RRAS2: variants seen among roughly 807,000 people sequenced by gnomAD.
RRAS2 encodes the protein RAS related 2.
RRAS2 carries 7 observed loss-of-function variants against 27.6 expected under a neutral mutation model. That is an observed-to-expected ratio of 0.25 (90% CI 0.14 to 0.48). RRAS2 has a LOEUF of 0.48. Among genes scored for constraint, RRAS2 ranks in the 20% least tolerant of loss-of-function variants. The pLI, the probability that RRAS2 is intolerant of heterozygous loss-of-function variation, is 0.99. For synonymous variants in RRAS2, 86 were observed against 90.9 expected (o/e 0.95, Z 0.31); for missense variants, 178 against 256.2 (o/e 0.69, Z 2.08).
upstream of RRAS2, among the ~76,000 whole-genome samples, chr11:14,363,479 AAAGTGATGGCCGGGCG>A (rs1169488419): frequency 2.0e-5 from 3 of 152,346 alleles, no homozygotes; most frequent in East Asian, 5.8e-4. Context: ...TTAAATATCT[AAAGTGATGGCCGGGCG>A]CAGTGGCTCA....
At chr11:14,281,768 T>C in intron 4 of RRAS2, 48 bp from the exon 5 acceptor site, 1 of 1,461,734 alleles carries the variant, frequency 6.8e-7, no homozygotes, top group Non-Finnish European at 9.4e-7. Context: ...ACAACTGGAT[T>C]TGTTCCATCT....
chr11:14,303,418 A>AT (rs1474623156), intron 1 of RRAS2, among the ~76,000 whole-genome samples: 2 of 152,100 alleles, frequency 1.3e-5, no homozygotes, highest in African/African-American at 4.8e-5. Flanking sequence ...AAGTCTCATA[A>AT]TTTTTTAAAA....
intron 4 of RRAS2, among the ~76,000 whole-genome samples, chr11:14,285,080 TCTAC>T (rs1484966155): frequency 1.3e-5 from 2 of 152,232 alleles, no homozygotes; most frequent in African/African-American, 4.8e-5. Context: ...GTCTTCTTTC[TCTAC>T]CTTCTTTTGG....
At position 14,358,550 on chromosome 11, in the gene RRAS2, A is replaced by C; in HGVS notation, c.108+213T>G. The C allele has an allele frequency of 1.0e-6, 1 of 984,782 alleles. No homozygotes were observed. Among genetic ancestry groups the C allele is most frequent in the East Asian group, 1.1e-4 (1 of 8,718 alleles). The allele number at this position is 984,782 out of a possible 1,614,324, so 61.0% of individuals were successfully genotyped here. A position where few individuals can be genotyped will look rare whatever the true frequency, so the allele number is the denominator to read the frequency against. On this transcript the variant is annotated intron_variant, in intron 1 of 5. Coordinates refer to ENST00000256196, the MANE Select transcript of RRAS2 (RefSeq NM_012250.6). The surrounding 1 kb of genome is among the most constrained non-coding windows in gnomAD (Gnocchi z 5.1). ...CCCGACCACATTCCTGAGAAGCCCT[A>C]CTCCCGCGACGCCGCGCCCGGGAGG...
chr11:14,311,513 C>T (rs1031318240), intron 1 of RRAS2, among the ~76,000 whole-genome samples: 5 of 151,958 alleles, frequency 3.3e-5, no homozygotes, highest in Non-Finnish European at 5.9e-5. Flanking sequence ...ATTACAGGCA[C>T]GTGCCAACAC....
chr11:14,312,624 T>C (rs1379698913), intron 1 of RRAS2, among the ~76,000 whole-genome samples: 2 of 152,072 alleles, frequency 1.3e-5, no homozygotes, highest in Non-Finnish European at 2.9e-5. Context: ...TCTCACTATA[T>C]TCCCCAGGCT....
At chr11:14,357,021 C>CAA (rs1849093758) in intron 1 of RRAS2, among the ~76,000 whole-genome samples, 1 of 151,808 alleles carries the variant, frequency 6.6e-6, no homozygotes, top group Admixed American at 6.6e-5. Context: ...CTCCTGACCT[C>CAA]GTGATTCACC....
intron 1 of RRAS2, among the ~76,000 whole-genome samples, chr11:14,351,855 A>G (rs548936202): frequency 8.1e-5 from 12 of 148,588 alleles, no homozygotes; most frequent in African/African-American, 3.0e-4. Context: ...AGATTGTGCC[A>G]CTGCACTCCA....
chr11:14,300,843 AAC>A (rs1236655244), intron 1 of RRAS2, among the ~76,000 whole-genome samples: 1 of 152,182 alleles, frequency 6.6e-6, no homozygotes, highest in East Asian at 1.9e-4. Flanking sequence ...AAGGAGTGAC[AAC>A]ACACTTTCTT....
intron 1 of RRAS2, among the ~76,000 whole-genome samples, chr11:14,355,031 C>T (rs781894674): frequency 4.6e-5 from 7 of 151,970 alleles, no homozygotes; most frequent in Non-Finnish European, 7.4e-5. Context: ...GATTTACCTG[C>T]ATTATTTTAT....
intron 1 of RRAS2, among the ~76,000 whole-genome samples, chr11:14,304,786 T>TGG (rs1419063661): frequency 6.6e-5 from 10 of 152,192 alleles, no homozygotes; most frequent in African/African-American, 2.4e-4. Context: ...TGCAGCAACT[T>TGG]CAGGCAGCTG....
Position 14,303,421 on chromosome 11 carries a change from T to G in RRAS2, c.109-7566A>C, listed in dbSNP as rs553639722. On this transcript the variant is annotated intron_variant, in intron 1 of 5. Coordinates refer to ENST00000256196, the MANE Select transcript of RRAS2 (RefSeq NM_012250.6). Reference sequence around the variant, plus strand: ...GAAATCTAAGGCAAGTCTCATAATTTTTTAAAATCATTCTTTGACTATAAA... The same window carrying G: ...GAAATCTAAGGCAAGTCTCATAATTGTTTAAAATCATTCTTTGACTATAAA... 7.9e-5 allele frequency among the ~76,000 whole-genome samples: 12 copies of G among 152,308 alleles called. No homozygotes were observed. The South Asian group carries it at 2.5e-3, about 32-fold the overall frequency.
intron 1 of RRAS2, among the ~76,000 whole-genome samples, chr11:14,312,406 G>A (rs1847991759): frequency 6.6e-6 from 1 of 152,042 alleles, no homozygotes. Context: ...CATAATTCAG[G>A]CACTTGTTTT....
rs1287349858 is a variant in RRAS2, at chr11:14,279,214, G to A, written c.*123C>T. The A allele has an allele frequency of 1.7e-5, 12 of 723,292 alleles. 1 individual carries two copies. The highest frequency in any genetic ancestry group is 1.1e-4 in the African/African-American group (6 of 57,006). The allele number at this position is 723,292 out of a possible 1,614,324, so 44.8% of individuals were successfully genotyped here. ...ACAGAAAGGACTAGCCAGCTTCTTC[G>A]TCTAAGGCTAACATGGTGATCATTT... On this transcript the variant is annotated 3_prime_UTR_variant, in exon 6 of 6. Coordinates refer to ENST00000256196, the MANE Select transcript of RRAS2 (RefSeq NM_012250.6).
chr11:14,361,329 A>G (rs1213594605), upstream of RRAS2, among the ~76,000 whole-genome samples: 1 of 151,776 alleles, frequency 6.6e-6, no homozygotes, highest in East Asian at 1.9e-4. Context: ...TACAGGCATG[A>G]GCCATCACTC....
chr11:14,331,951 A>G (rs1848488852), intron 1 of RRAS2, among the ~76,000 whole-genome samples: 1 of 152,218 alleles, frequency 6.6e-6, no homozygotes, highest in Non-Finnish European at 1.5e-5. Context: ...GCTGAATATC[A>G]TTAGTCGTCA....
chr11:14,325,589 G>A (rs1019981836), intron 1 of RRAS2, among the ~76,000 whole-genome samples: 7 of 152,128 alleles, frequency 4.6e-5, no homozygotes, highest in African/African-American at 9.7e-5. Context: ...GTGAGCCACC[G>A]TGCCCGGCTT....
intron 1 of RRAS2, among the ~76,000 whole-genome samples, chr11:14,352,783 A>G (rs1484777918): frequency 4.7e-5 from 7 of 148,632 alleles, no homozygotes; most frequent in Non-Finnish European, 8.9e-5. Flanking sequence ...AGAGAGAGGG[A>G]GAGAGAGAGA....
At chr11:14,294,223 G>T (rs1847487870) in intron 4 of RRAS2, among the ~76,000 whole-genome samples, 1 of 152,130 alleles carries the variant, frequency 6.6e-6, no homozygotes, top group Admixed American at 6.5e-5. Flanking sequence ...GGCTTATAAA[G>T]TCTTATAAAA....
Sources: gnomAD v4.1 joint callset for allele counts (sites outside exome capture counted in the v4.1 genomes callset) on GRCh38, gnomAD v4.1.1 for gene constraint, Gnocchi (gnomAD v3.1) non-coding constraint, MANE v1.5 for transcripts, NCBI Gene and HGNC (gene_info 2026-07-23, HGNC 2026-07-21) for gene names.